ANKS1B: variants seen among roughly 807,000 people sequenced by gnomAD.
The protein encoded by ANKS1B is ankyrin repeat and sterile alpha motif domain containing 1B, also known as ankyrin repeat and sterile alpha motif domain-containing protein 1B.
In ANKS1B, 36 loss-of-function variants were observed where a neutral mutation model predicts 148.3. The ratio of observed to expected loss-of-function variants is 0.24; its 90% CI spans 0.19 to 0.32. The LOEUF (loss-of-function observed/expected upper bound fraction) is 0.32, where lower values mean the gene tolerates loss of function less well. Ranked by LOEUF, ANKS1B falls within the 10% of genes least tolerant of loss-of-function variation. The pLI is 1.00. For missense variants in ANKS1B, 1,157 were observed against 1,542.6 expected (o/e 0.75, Z 4.19); for synonymous variants, 542 against 560.8 (o/e 0.97, Z 0.47).
chr12:99,008,832 T>C (rs1471195947), intron 17 of ANKS1B, among the ~76,000 whole-genome samples: 1 of 152,164 alleles, frequency 6.6e-6, no homozygotes, highest in Non-Finnish European at 1.5e-5. Flanking sequence ...GTGTTCATCA[T>C]TGAAGAAGGG....
chr12:99,327,260 T>C (rs546022109), intron 12 of ANKS1B, among the ~76,000 whole-genome samples: 1 of 118,112 alleles, frequency 8.5e-6, no homozygotes, highest in Non-Finnish European at 1.6e-5. Flanking sequence ...TATAATTATA[T>C]AAATAATTAT....
intron 2 of ANKS1B, among the ~76,000 whole-genome samples, chr12:99,824,367 G>A (rs1420948122): frequency 6.6e-6 from 1 of 152,104 alleles, no homozygotes; most frequent in South Asian, 2.1e-4. Flanking sequence ...AGGCGTGGTG[G>A]TGGGCATCTG....
chr12:99,016,114 T>A (rs1457020793), intron 17 of ANKS1B, among the ~76,000 whole-genome samples: 1 of 152,162 alleles, frequency 6.6e-6, no homozygotes, highest in African/African-American at 2.4e-5. Flanking sequence ...CTCAAAGCAA[T>A]TAAAACTTCA....
chr12:99,839,773 C>T (rs1426755880), intron 1 of ANKS1B, among the ~76,000 whole-genome samples: 1 of 152,070 alleles, frequency 6.6e-6, no homozygotes, highest in Non-Finnish European at 1.5e-5. Context: ...GGTCACATGG[C>T]CCCTACCAGG....
In ANKS1B at chr12:99,937,867, A is replaced by G. The variant is rs2094819201; in HGVS notation, c.134+46237T>C. Among the ~76,000 whole-genome samples the G allele has an allele frequency of 2.0e-5, 3 of 152,176 alleles. 1 individual carries two copies. In the South Asian group the frequency reaches 6.2e-4, roughly 32 times the overall value. ...GGTGATGGTAGCAAAGAGAAGATACATGATAAATCAGTCATGAATCCTGCC... is the reference window on the plus strand; with the variant it reads ...GGTGATGGTAGCAAAGAGAAGATACGTGATAAATCAGTCATGAATCCTGCC... On this transcript the variant is annotated intron_variant, in intron 1 of 26. Transcript: ENST00000683438.
At chr12:99,577,246 A>G (rs1467047657) in intron 9 of ANKS1B, among the ~76,000 whole-genome samples, 1 of 151,310 alleles carries the variant, frequency 6.6e-6, no homozygotes, top group African/African-American at 2.4e-5. Context: ...CACTTAACAA[A>G]TGTCTTAAAC....
chr12:98,825,077 G>A (rs1302459602), intron 19 of ANKS1B, among the ~76,000 whole-genome samples: 1 of 152,078 alleles, frequency 6.6e-6, no homozygotes, highest in Non-Finnish European at 1.5e-5. Context: ...GGCAGGCCAG[G>A]GCTTGAGTCC....
intron 1 of ANKS1B, among the ~76,000 whole-genome samples, chr12:99,826,120 T>G (rs1192898743): frequency 4.6e-5 from 7 of 152,246 alleles, no homozygotes; most frequent in African/African-American, 1.7e-4. Context: ...AATTGCTTTA[T>G]CTGATGGTCA....
At chr12:99,399,317 T>C in intron 12 of ANKS1B, among the ~76,000 whole-genome samples, 1 of 152,126 alleles carries the variant, frequency 6.6e-6, no homozygotes, top group East Asian at 1.9e-4. Context: ...AATAAAGTTG[T>C]CTGTTGATTA....
chr12:98,905,727 G>C lies in ANKS1B; in HGVS notation c.2779-73591C>G, dbSNP rs545746876. On this transcript the variant is annotated intron_variant, in intron 17 of 26. Transcript: ENST00000683438. ...GTTGAGGCTGTAGTGAGCCAAGATC[G>C]TACCATTGCACTCCAGCCTGGGTGA... 2.6e-5 allele frequency among the ~76,000 whole-genome samples: 4 copies of C among 152,044 alleles called. No homozygotes were observed. In the East Asian group the frequency reaches 7.7e-4, roughly 29 times the overall value.
chr12:99,192,724 T>C (rs908821687), intron 14 of ANKS1B, among the ~76,000 whole-genome samples: 2 of 150,932 alleles, frequency 1.3e-5, no homozygotes, highest in Non-Finnish European at 2.9e-5. Flanking sequence ...TCTGTTATAA[T>C]ATAACACTGC....
intron 14 of ANKS1B, among the ~76,000 whole-genome samples, chr12:99,170,432 G>A (rs920636655): frequency 6.6e-6 from 1 of 152,174 alleles, no homozygotes; most frequent in Non-Finnish European, 1.5e-5. Flanking sequence ...CTTTGGAAGA[G>A]TGAGGGGGGA....
At chr12:99,889,262 A>C (rs554755974) in intron 1 of ANKS1B, among the ~76,000 whole-genome samples, 49 of 152,260 alleles carry the variant, frequency 3.2e-4, no homozygotes, top group African/African-American at 9.9e-4. Context: ...TGTTTTAAAA[A>C]CAAGGAAACT....
At chr12:99,520,065 A>G (rs2096860144) in intron 9 of ANKS1B, among the ~76,000 whole-genome samples, 1 of 152,128 alleles carries the variant, frequency 6.6e-6, no homozygotes, top group Admixed American at 6.5e-5. Context: ...TGATTGGCTC[A>G]TTGTATAATC....
chr12:98,882,210 T>A, intron 17 of ANKS1B, among the ~76,000 whole-genome samples: 1 of 152,130 alleles, frequency 6.6e-6, no homozygotes. Flanking sequence ...ATTCTGCCAA[T>A]GTTTTTAAAC....
At chr12:99,605,875 G>A (rs1026839129) in intron 9 of ANKS1B, among the ~76,000 whole-genome samples, 3 of 151,862 alleles carry the variant, frequency 2.0e-5, no homozygotes, top group Non-Finnish European at 1.5e-5. Context: ...TGAATAATAT[G>A]GTAGCTCTAT....
At chr12:99,600,539 T>A (rs2097792195) in intron 9 of ANKS1B, among the ~76,000 whole-genome samples, 1 of 152,162 alleles carries the variant, frequency 6.6e-6, no homozygotes, top group Admixed American at 6.6e-5. Context: ...AGCCTGAGGC[T>A]TTGACAAGCA....
At chr12:99,878,250 G>C (rs1402301881) in intron 1 of ANKS1B, among the ~76,000 whole-genome samples, 2 of 152,152 alleles carry the variant, frequency 1.3e-5, no homozygotes, top group African/African-American at 4.8e-5. Flanking sequence ...AAGTAGAAGA[G>C]AAAGGAGAAG....
intron 9 of ANKS1B, among the ~76,000 whole-genome samples, chr12:99,524,888 G>A (rs1457952302): frequency 6.6e-6 from 1 of 152,154 alleles, no homozygotes; most frequent in Admixed American, 6.6e-5. Flanking sequence ...TAGGAATCAC[G>A]GGAATTCTGG....
Sources: allele counts gnomAD v4.1 joint callset (sites outside exome capture counted in the v4.1 genomes callset), GRCh38; gene constraint gnomAD v4.1.1; transcripts MANE v1.5; gene names NCBI Gene and HGNC (gene_info 2026-07-23, HGNC 2026-07-21).